The following ZNF92 variants were observed in gnomAD, a reference collection of about 807,000 sequenced individuals.
The protein encoded by ZNF92 is epididymis luminal protein 203.
Under a neutral mutation model 12.4 loss-of-function variants are expected in ZNF92, and 11 were observed. The observed-to-expected ratio is 0.89, with a 90% CI of 0.56 to 1.47. The LOEUF (loss-of-function observed/expected upper bound fraction) is 1.47. Among genes scored for constraint, ZNF92 ranks in the 40% most tolerant of loss-of-function variants. The pLI is 0.00. For missense variants in ZNF92, 622 were observed against 681.0 expected (o/e 0.91, Z 0.96); for synonymous variants, 206 against 228.6 (o/e 0.90, Z 0.89).
intron 3 of ZNF92, among the ~76,000 whole-genome samples, chr7:65,392,538 ATTT>A (rs35255435): frequency 7.1e-6 from 1 of 141,506 alleles, no homozygotes. Context: ...TTGAGCCCAC[ATTT>A]TTTTTTTTTT....
At position 65,399,177 on chromosome 7, in the gene ZNF92, A is replaced by G; in HGVS notation, c.1063A>G (p.Asn355Asp). The stretch of plus-strand genomic sequence containing the variant: ...TGGCAAAGCCTTTAACCAGTTCTCA[A>G]ACCTTACTAAACATAAGATAATTCA... ...ECGKAFNQFS[N>D]LTKHKIIHTG... Residue 355 changes from asparagine to aspartate, a missense_variant, in exon 4 of 4, where the codon AAC (asparagine) becomes GAC (aspartate). Physicochemically the swap from Asn to Asp is conservative, Grantham distance 23. Coordinates refer to ENST00000328747, the MANE Select transcript of ZNF92 (RefSeq NM_152626.4). 4 of 1,613,410 alleles carry G rather than the reference A, an allele frequency of 2.5e-6. No individual in the cohort carries two copies. Among genetic ancestry groups the G allele is most frequent in the Non-Finnish European group, 3.4e-6 (4 of 1,179,748 alleles).
intron 1 of ZNF92, among the ~76,000 whole-genome samples, chr7:65,387,308 CT>C (rs1793596122): frequency 6.7e-6 from 1 of 149,936 alleles, no homozygotes; most frequent in Non-Finnish European, 1.5e-5. Context: ...AGCTGCCCTT[CT>C]TTATTAGGTT....
chr7:65,399,244 C>G lies in ZNF92; in HGVS notation c.1130C>G (p.Ala377Gly), dbSNP rs750576358. 121 of 1,613,116 alleles carry G rather than the reference C, an allele frequency of 7.5e-5. 1 individual carries two copies. Among genetic ancestry groups the G allele is most frequent in the Middle Eastern group, 1.7e-4 (1 of 6,060 alleles). The change falls in exon 4 of 4, where the codon GCC becomes GGC. Residue 377 changes from alanine to glycine, a missense_variant. By Grantham distance (60) the Ala-to-Gly change is moderately conservative (BLOSUM62 0). Transcript: ENST00000328747. ...TACAAATGTGATGAATGTGGCAAAGCCTTTAACCAGTCCTCAACCCTTACT... is the reference window on the plus strand; with the variant it reads ...TACAAATGTGATGAATGTGGCAAAGGCTTTAACCAGTCCTCAACCCTTACT... ...KPYKCDECGK[A>G]FNQSSTLTKH... is the part of the protein sequence containing the mutation.
chr7:65,389,901 G>A (rs767200024), intron 3 of ZNF92, among the ~76,000 whole-genome samples: 14 of 151,690 alleles, frequency 9.2e-5, no homozygotes, highest in Non-Finnish European at 1.2e-4. Context: ...GTGCAATCTC[G>A]GCTCACTGCA....
chr7:65,386,641 TA>T (rs964859540), intron 1 of ZNF92, among the ~76,000 whole-genome samples: 2 of 152,084 alleles, frequency 1.3e-5, no homozygotes, highest in African/African-American at 4.8e-5. Context: ...TCTAGGGTGC[TA>T]AAGAAAGACT....
intron 3 of ZNF92, among the ~76,000 whole-genome samples, chr7:65,394,857 A>G (rs920599314): frequency 2.6e-5 from 4 of 151,774 alleles, no homozygotes; most frequent in African/African-American, 7.3e-5. Flanking sequence ...TGTTGGCCAG[A>G]CTGGTCTCAA....
chr7:65,395,435 CT>C (rs1204612525), intron 3 of ZNF92, among the ~76,000 whole-genome samples: 2 of 152,048 alleles, frequency 1.3e-5, no homozygotes, highest in African/African-American at 4.8e-5. Context: ...TATTCCCTTG[CT>C]TTTGACTAGA....
rs572529973 is a variant in ZNF92 at position 65,376,177 on chromosome 7, T to A, written c.3+2177T>A. On this transcript the variant is annotated intron_variant, in intron 1 of 3. Transcript: ENST00000328747. Reference sequence around the variant, plus strand: ...GTCCACCTGCCTTGGCCTCCCAAAGTGCTAGGATTACAGGCGTGAGGCACC... The same window carrying A: ...GTCCACCTGCCTTGGCCTCCCAAAGAGCTAGGATTACAGGCGTGAGGCACC... Among the ~76,000 whole-genome samples the A allele has an allele frequency of 2.6e-5, 4 of 152,030 alleles. 1 individual carries two copies. The South Asian group carries it at 8.3e-4, about 32-fold the overall frequency.
Position 65,399,755 on chromosome 7 carries a change from C to T in ZNF92, c.1641C>T (p.Asn547=). ...ATGAAGAATGTGACAAAGCCTTTAA[C>T]AAGTTCTCAACCCTTATTACACATC... is the stretch of plus-strand genomic sequence containing the variant. ...YKYEECDKAF[N]KFSTLITHQI... is the part of the protein sequence containing the mutation. The change falls in exon 4 of 4, where the codon AAC becomes AAT. Residue 547 remains asparagine (N), a synonymous_variant. Transcript: ENST00000328747. 6.2e-7 allele frequency: 1 copy of T among 1,613,548 alleles called. No homozygotes were observed. Among genetic ancestry groups the T allele is most frequent in the Non-Finnish European group, 8.5e-7 (1 of 1,179,690 alleles).
At chr7:65,381,073 G>A (rs1261967523) in intron 1 of ZNF92, among the ~76,000 whole-genome samples, 1 of 151,944 alleles carries the variant, frequency 6.6e-6, no homozygotes, top group Non-Finnish European at 1.5e-5. Context: ...GAGTGCAGTG[G>A]CACGATCTCG....
At chr7:65,393,672 A>C (rs978422112) in intron 3 of ZNF92, among the ~76,000 whole-genome samples, 1 of 152,118 alleles carries the variant, frequency 6.6e-6, no homozygotes. Flanking sequence ...CCTTTTAAAA[A>C]ATGTATAGTG....
intron 3 of ZNF92, among the ~76,000 whole-genome samples, chr7:65,392,180 G>T (rs1793734742): frequency 6.6e-6 from 1 of 151,822 alleles, no homozygotes; most frequent in Non-Finnish European, 1.5e-5. Flanking sequence ...CTTTAATTTT[G>T]GTTATGGCAT....
chr7:65,378,610 C>T (rs975284289), intron 1 of ZNF92, among the ~76,000 whole-genome samples: 6 of 151,770 alleles, frequency 4.0e-5, no homozygotes, highest in Non-Finnish European at 7.4e-5. Context: ...GGCGTGGTGG[C>T]GGGCGCCTGT....
At chr7:65,382,523 A>G (rs1793448191) in intron 1 of ZNF92, among the ~76,000 whole-genome samples, 1 of 152,034 alleles carries the variant, frequency 6.6e-6, no homozygotes, top group African/African-American at 2.4e-5. Context: ...CCTATTTGGT[A>G]TCTAGTCCTG....
At chr7:65,376,192 C>T (rs1445479494) in intron 1 of ZNF92, among the ~76,000 whole-genome samples, 6 of 151,988 alleles carry the variant, frequency 3.9e-5, no homozygotes, top group African/African-American at 9.7e-5. Context: ...GGATTACAGG[C>T]GTGAGGCACC....
At position 65,398,644 on chromosome 7, in the gene ZNF92, AC is replaced by A; in HGVS notation, c.532del (p.Arg178ValfsTer11). On this transcript the variant is annotated frameshift_variant, in exon 4 of 4. Transcript: ENST00000328747. LOFTEE classifies it low-confidence loss of function (END_TRUNC). Reference protein sequence around the residue: ...HTGKKPFKCKNRGKSFCMLSQ... With the variant: ...HTGKKPFKCKXRGKSFCMLSQ... The stretch of plus-strand genomic sequence containing the variant: ...GGAAAGAAACCTTTCAAATGTAAAA[AC>A]CGTGGCAAATCATTTTGCATGCTTT... The A allele has an allele frequency of 6.2e-7, 1 of 1,612,140 alleles. No individual in the cohort carries two copies. Among genetic ancestry groups the A allele is most frequent in the South Asian group, 1.1e-5 (1 of 90,640 alleles).
chr7:65,394,586 T>C (rs1404015608), intron 3 of ZNF92, among the ~76,000 whole-genome samples: 1 of 152,162 alleles, frequency 6.6e-6, no homozygotes, highest in Non-Finnish European at 1.5e-5. Flanking sequence ...ATAGTATTTT[T>C]ATAGAGATTA....
At chr7:65,384,796 T>C (rs1395981383) in intron 1 of ZNF92, among the ~76,000 whole-genome samples, 1 of 152,120 alleles carries the variant, frequency 6.6e-6, no homozygotes, top group Admixed American at 6.5e-5. Flanking sequence ...CTGGCAATTA[T>C]TAAACAAAAC....
At position 65,399,453 on chromosome 7, in the gene ZNF92, C is replaced by G. The variant is rs781331600; in HGVS notation, c.1339C>G (p.His447Asp). ...AGCTTTTACTAAACATAAGAGAAAT[C>G]ATATGGAAGATAAACCCTACAAATG... ...SSAFTKHKRN[H>D]MEDKPYKCEE... The change falls in exon 4 of 4, where the codon CAT becomes GAT. Residue 447 changes from histidine to aspartate, a missense_variant. By Grantham distance (81) the His-to-Asp change is moderately conservative. Transcript: ENST00000328747. 6.2e-7 allele frequency: 1 copy of G among 1,613,334 alleles called. No homozygotes were observed. The highest frequency in any genetic ancestry group is 8.5e-7 in the Non-Finnish European group (1 of 1,179,748).
Sources: gnomAD v4.1 joint callset for allele counts (sites outside exome capture counted in the v4.1 genomes callset) on GRCh38, gnomAD v4.1.1 for gene constraint, MANE v1.5 for transcripts, NCBI Gene and HGNC (gene_info 2026-07-23, HGNC 2026-07-21) for gene names.